PDE7B: variants seen among roughly 807,000 people sequenced by gnomAD.
The protein encoded by PDE7B is 3',5'-cyclic-AMP phosphodiesterase 7B.
PDE7B carries 29 observed loss-of-function variants against 56.2 expected under a neutral mutation model. The observed-to-expected ratio is 0.52, with a 90% CI of 0.38 to 0.70. The LOEUF is 0.70. Among genes scored for constraint, PDE7B ranks in the 30% least tolerant of loss-of-function variants. The pLI is 0.00. For missense variants in PDE7B, 490 were observed against 565.0 expected, an observed-to-expected ratio of 0.87 and a Z score of 1.35; for synonymous variants, 197 against 196.9, an observed-to-expected ratio of 1.00 and a Z score of 0.00.
At chr6:135,892,407 A>G (rs937707960) in intron 1 of PDE7B, among the ~76,000 whole-genome samples, 1 of 152,166 alleles carries the variant, frequency 6.6e-6, no homozygotes, top group African/African-American at 2.4e-5. Flanking sequence ...ATAATGCATT[A>G]TTTTTATAGC....
chr6:136,138,484 T>C (rs538402138), intron 3 of PDE7B, among the ~76,000 whole-genome samples: 1 of 152,176 alleles, frequency 6.6e-6, no homozygotes, highest in Non-Finnish European at 1.5e-5. Context: ...TAACACTCGA[T>C]AAGTTATTAA....
chr6:135,894,277 A>C (rs1245863772), intron 1 of PDE7B, among the ~76,000 whole-genome samples: 1 of 152,042 alleles, frequency 6.6e-6, no homozygotes. Flanking sequence ...ATTTTATATT[A>C]TTTTTCTTTT....
chr6:136,114,593 C>G (rs578148191), intron 3 of PDE7B, among the ~76,000 whole-genome samples: 102 of 152,258 alleles, frequency 6.7e-4, no homozygotes, highest in Middle Eastern at 3.4e-3. Flanking sequence ...AGTAACCTTA[C>G]AGATACCTTT....
intron 2 of PDE7B, among the ~76,000 whole-genome samples, chr6:136,088,965 C>G (rs575168316): frequency 6.6e-6 from 1 of 151,890 alleles, no homozygotes; most frequent in East Asian, 1.9e-4. Flanking sequence ...CCTCAGGTTC[C>G]CATCCCCAGC....
At chr6:136,116,395 T>C (rs1480645) in intron 3 of PDE7B, among the ~76,000 whole-genome samples, 1 of 152,134 alleles carries the variant, frequency 6.6e-6, no homozygotes, top group African/African-American at 2.4e-5. Flanking sequence ...AGGTGAACCG[T>C]ATAAAACACT....
intron 2 of PDE7B, chr6:136,038,214 ACAGCAGCAGCAGCAACAGCAG>A (rs1435340024): frequency 1.1e-5 from 14 of 1,299,124 alleles, no homozygotes; most frequent in South Asian, 2.4e-5. Flanking sequence ...AGAAGCAGAA[ACAGCAGCAGCAGCAACAGCAG>A]CAGCAGCAGC....
intron 2 of PDE7B, chr6:136,095,566 C>T (rs893274165): frequency 2.6e-5 from 4 of 152,154 alleles, no homozygotes; most frequent in Admixed American, 2.0e-4. Flanking sequence ...ACTTTTCATG[C>T]CATTGACTTC....
chr6:136,084,773 G>A (rs1014676283), intron 2 of PDE7B, among the ~76,000 whole-genome samples: 2 of 152,098 alleles, frequency 1.3e-5, no homozygotes, highest in Non-Finnish European at 2.9e-5. Context: ...CATCTAAAAG[G>A]TACTTATCTT....
chr6:136,146,620 AC>A (rs989089352), intron 3 of PDE7B, among the ~76,000 whole-genome samples: 2 of 152,148 alleles, frequency 1.3e-5, no homozygotes, highest in African/African-American at 4.8e-5. Context: ...TGTATTTACA[AC>A]CCTCCTAATT....
chr6:136,037,886 CTTT>C (rs68164226), intron 2 of PDE7B: 9 of 933,566 alleles, frequency 9.6e-6, no homozygotes, highest in Non-Finnish European at 8.9e-6. Flanking sequence ...ACCTCGATGG[CTTT>C]TTTTTTTCTC....
At chr6:136,191,543 T>C in intron 12 of PDE7B, 71 bp from the exon 13 acceptor site, 1 of 1,283,338 alleles carries the variant, frequency 7.8e-7, no homozygotes, top group South Asian at 1.3e-5. Flanking sequence ...GGGTCCCCAG[T>C]CATGCTCGGG....
chr6:136,088,371 C>T (rs1409125403), intron 2 of PDE7B, among the ~76,000 whole-genome samples: 4 of 152,152 alleles, frequency 2.6e-5, no homozygotes, highest in Non-Finnish European at 5.9e-5. Context: ...AGAACATCAA[C>T]AATTAGTTCA....
intron 9 of PDE7B, among the ~76,000 whole-genome samples, chr6:136,177,642 A>G (rs574986586): frequency 3.9e-5 from 6 of 152,376 alleles, no homozygotes; most frequent in Admixed American, 2.0e-4. Context: ...GTAAGAATGT[A>G]GAACAATGAG....
chr6:136,132,238 G>T (rs537608937), intron 3 of PDE7B, among the ~76,000 whole-genome samples: 1 of 152,024 alleles, frequency 6.6e-6, no homozygotes, highest in Non-Finnish European at 1.5e-5. Context: ...TCTACTTTCT[G>T]CATCTATGAG....
chr6:136,171,852 T>A (rs926979203), intron 8 of PDE7B, among the ~76,000 whole-genome samples: 16 of 146,276 alleles, frequency 1.1e-4, no homozygotes, highest in African/African-American at 3.8e-4. Context: ...GTGTTCTCAT[T>A]GTTCAATTCC....
chr6:135,928,444 TA>T (rs1406234278), intron 1 of PDE7B, among the ~76,000 whole-genome samples: 56 of 117,862 alleles, frequency 4.8e-4, no homozygotes, highest in African/African-American at 8.6e-4. Context: ...TATATATATA[TA>T]TATTTATTTA....
chr6:136,086,983 A>G (rs1201203011), intron 2 of PDE7B, among the ~76,000 whole-genome samples: 1 of 152,184 alleles, frequency 6.6e-6, no homozygotes, highest in Non-Finnish European at 1.5e-5. Context: ...TTCACAAGCC[A>G]ACTAGAAAAG....
At chr6:136,069,969 C>T (rs1430345507) in intron 2 of PDE7B, among the ~76,000 whole-genome samples, 1 of 151,892 alleles carries the variant, frequency 6.6e-6, no homozygotes, top group African/African-American at 2.4e-5. Context: ...GCACAAAAGA[C>T]CCCAAAACTT....
chr6:136,169,491 T>C (rs543456335), intron 8 of PDE7B, among the ~76,000 whole-genome samples: 213 of 152,308 alleles, frequency 1.4e-3, no homozygotes, highest in African/African-American at 4.9e-3. Context: ...TTAATGAAGA[T>C]GTTAAGTCAG....
Sources: allele counts gnomAD v4.1 joint callset (sites outside exome capture counted in the v4.1 genomes callset), GRCh38; gene constraint gnomAD v4.1.1; transcripts MANE v1.5; gene names NCBI Gene and HGNC (gene_info 2026-07-23, HGNC 2026-07-21).